Variants in CASQ2 observed in about 807,000 individuals in gnomAD.
CASQ2 encodes the protein calsequestrin-2.
CASQ2 carries 49 observed loss-of-function variants against 46.5 expected under a neutral mutation model. That is an observed-to-expected ratio of 1.05 (90% CI 0.84 to 1.34). The LOEUF is 1.34. CASQ2 is among the 40% of genes most tolerant of loss of function. The pLI, the probability that CASQ2 is intolerant of heterozygous loss-of-function variation, is 0.00. For missense variants in CASQ2, 486 were observed against 481.3 expected (o/e 1.01, Z -0.09); for synonymous variants, 174 against 168.5 (o/e 1.03, Z -0.25).
In CASQ2 at chr1:115,725,550, G is replaced by T; in HGVS notation, c.741C>A (p.Pro247=). The T allele has an allele frequency of 6.5e-7, 1 of 1,549,198 alleles. No homozygotes were observed. The highest frequency in any genetic ancestry group is 1.2e-5 in the South Asian group (1 of 85,934). Residue 247 remains proline (P), a synonymous_variant, in exon 7 of 11, where the codon CCC becomes CCA. Coordinates refer to ENST00000261448, the MANE Select transcript of CASQ2 (RefSeq NM_001232.4). The stretch of plus-strand genomic sequence containing the variant: ...CTTCTGGGCGCAGGCGACGTAGAGT[G>T]GGTCTGGAAAAAAAAAAAAAAAAAA... ...LVEFVKEHQR[P]TLRRLRPEEM...
At chr1:115,755,079 G>A (rs755460498) in intron 1 of CASQ2, among the ~76,000 whole-genome samples, 4 of 152,226 alleles carry the variant, frequency 2.6e-5, no homozygotes, top group South Asian at 2.1e-4. Context: ...GGCTCTTCCA[G>A]TCTCTAACAC....
intron 1 of CASQ2, among the ~76,000 whole-genome samples, chr1:115,763,293 A>G (rs1649023625): frequency 1.3e-5 from 2 of 152,142 alleles, no homozygotes; most frequent in African/African-American, 4.8e-5. Flanking sequence ...AATAAATGGC[A>G]TGGATGAGGT....
intron 2 of CASQ2, among the ~76,000 whole-genome samples, chr1:115,742,102 C>T (rs1648202229): frequency 6.6e-6 from 1 of 152,068 alleles, no homozygotes; most frequent in African/African-American, 2.4e-5. Flanking sequence ...GGCTGGAGTG[C>T]AGGGCCATGA....
At chr1:115,725,583 AAG>A in intron 6 of CASQ2, 30 bp from the exon 7 acceptor site, 1 of 1,574,144 alleles carries the variant, frequency 6.4e-7, no homozygotes. Context: ...AAAAAAAAGA[AAG>A]AGCTTCCTTG....
chr1:115,755,123 C>T (rs1648714847), intron 1 of CASQ2, among the ~76,000 whole-genome samples: 1 of 152,238 alleles, frequency 6.6e-6, no homozygotes, highest in Admixed American at 6.5e-5. Context: ...AGCATTTTGC[C>T]ATGTCCAAAC....
chr1:115,731,223 T>G (rs140438391), intron 5 of CASQ2, among the ~76,000 whole-genome samples: 122 of 152,372 alleles, frequency 8.0e-4, no homozygotes, highest in African/African-American at 2.9e-3. Context: ...ACCTTTTTCA[T>G]GGACCACAGG....
chr1:115,724,148 GGGAGGCAT>G (rs1557791818), intron 7 of CASQ2, among the ~76,000 whole-genome samples: 1 of 152,172 alleles, frequency 6.6e-6, no homozygotes, highest in African/African-American at 2.4e-5. Context: ...AGTCACTCTG[GGGAGGCAT>G]TCTGCAGAGA....
intron 2 of CASQ2, 33 bp from the exon 3 acceptor site, chr1:115,740,861 C>T (rs986324133): frequency 7.1e-7 from 1 of 1,408,682 alleles, no homozygotes; most frequent in African/African-American, 1.4e-5. Flanking sequence ...CAGAGAAGGT[C>T]ATCCTGACGT....
At chr1:115,762,745 G>T (rs959819345) in intron 1 of CASQ2, among the ~76,000 whole-genome samples, 1 of 152,154 alleles carries the variant, frequency 6.6e-6, no homozygotes, top group Non-Finnish European at 1.5e-5. Context: ...TTCTTTTTCA[G>T]GCTGGAATGC....
chr1:115,701,423 C>CA lies in CASQ2; in HGVS notation c.1017dup (p.Asp340Ter), dbSNP rs1553191909. 1 of 1,607,660 alleles carries CA rather than the reference C, an allele frequency of 6.2e-7. No individual in the cohort carries two copies. Among genetic ancestry groups the CA allele is most frequent in the Non-Finnish European group, 8.5e-7 (1 of 1,174,192 alleles). On this transcript the variant is annotated frameshift_variant, in exon 11 of 11. Transcript: ENST00000261448. LOFTEE classifies it high-confidence loss of function. Reference sequence around the variant, plus strand: ...TCTGGAATCTCCATCCAGACACTGTCAGCCTGCAGTGAGGGACAAAATGAA... The same window carrying CA: ...TCTGGAATCTCCATCCAGACACTGTCAAGCCTGCAGTGAGGGACAAAATGAA...
chr1:115,709,356 A>C (rs1654470794), intron 8 of CASQ2, among the ~76,000 whole-genome samples: 1 of 152,214 alleles, frequency 6.6e-6, no homozygotes, highest in African/African-American at 2.4e-5. Flanking sequence ...CCACTGTTAA[A>C]ATTACATGGA....
Position 115,742,820 on chromosome 1 carries a change from G to A in CASQ2, c.320-1992C>T, listed in dbSNP as rs367972616. ...TTTGTTTGTTTTGAGATGGAGTCTC[G>A]CTCTGTCTCCCAGGCTGGAGTGCAG... On this transcript the variant is annotated intron_variant, in intron 2 of 10. Coordinates refer to ENST00000261448, the MANE Select transcript of CASQ2 (RefSeq NM_001232.4). 9.2e-5 allele frequency among the ~76,000 whole-genome samples: 14 copies of A among 151,990 alleles called. No individual in the cohort carries two copies. The East Asian group carries it at 2.1e-3, about 23-fold the overall frequency.
At chr1:115,713,839 A>T (rs544538096) in intron 8 of CASQ2, among the ~76,000 whole-genome samples, 1 of 152,190 alleles carries the variant, frequency 6.6e-6, no homozygotes, top group South Asian at 2.1e-4. Context: ...TGTGCACAGG[A>T]GGGGCCCTTG....
chr1:115,704,511 A>C (rs1266966589), intron 9 of CASQ2, among the ~76,000 whole-genome samples: 1 of 152,228 alleles, frequency 6.6e-6, no homozygotes, highest in African/African-American at 2.4e-5. Flanking sequence ...GGCATACAGT[A>C]GAATATATCA....
At chr1:115,729,035 C>CT (rs753965730) in intron 5 of CASQ2, among the ~76,000 whole-genome samples, 2,795 of 68,906 alleles carry the variant, frequency 0.041, 419 homozygotes, top group African/African-American at 0.053. Context: ...CTCTTTCATT[C>CT]TTTTTTTTTT....
At chr1:115,723,457 T>C (rs1647462920) in intron 7 of CASQ2, among the ~76,000 whole-genome samples, 1 of 152,160 alleles carries the variant, frequency 6.6e-6, no homozygotes, top group Non-Finnish European at 1.5e-5. Flanking sequence ...TATTTTAGGG[T>C]AAAAAGCAAA....
At chr1:115,759,543 G>A (rs1473787846) in intron 1 of CASQ2, among the ~76,000 whole-genome samples, 1 of 152,184 alleles carries the variant, frequency 6.6e-6, no homozygotes, top group Non-Finnish European at 1.5e-5. Context: ...CCAGCCACTA[G>A]AATCATGAGC....
At chr1:115,748,764 C>G (rs1014974475) in intron 1 of CASQ2, among the ~76,000 whole-genome samples, 1 of 152,122 alleles carries the variant, frequency 6.6e-6, no homozygotes, top group East Asian at 1.9e-4. Flanking sequence ...TTAGTGCTGT[C>G]AAAATCTTAA....
At chr1:115,717,624 A>T (rs758249614) in intron 8 of CASQ2, among the ~76,000 whole-genome samples, 6 of 152,242 alleles carry the variant, frequency 3.9e-5, no homozygotes, top group Non-Finnish European at 8.8e-5. Flanking sequence ...GGAACCTGGT[A>T]GTCTATAACA....
Sources: gnomAD v4.1 joint callset for allele counts (sites outside exome capture counted in the v4.1 genomes callset) on GRCh38, gnomAD v4.1.1 for gene constraint, MANE v1.5 for transcripts, NCBI Gene and HGNC (gene_info 2026-07-23, HGNC 2026-07-21) for gene names.